Variants in BABAM2 observed in about 807,000 individuals in gnomAD.
The protein encoded by BABAM2 is BRISC and BRCA1 A complex member 2.
In BABAM2, 31 loss-of-function variants were observed where a neutral mutation model predicts 54.7. The ratio of observed to expected loss-of-function variants is 0.57; its 90% CI spans 0.43 to 0.77. The LOEUF is 0.77. BABAM2 is among the 30% of genes least tolerant of loss of function. BABAM2 has a pLI of 0.00. For synonymous variants in BABAM2, 167 were observed against 162.9 expected, an observed-to-expected ratio of 1.03 and a Z score of -0.19; for missense variants, 364 against 455.8, an observed-to-expected ratio of 0.80 and a Z score of 1.83.
At chr2:28,208,199 C>T (rs868785356) in intron 7 of BABAM2, among the ~76,000 whole-genome samples, 14 of 152,294 alleles carry the variant, frequency 9.2e-5, no homozygotes, top group Middle Eastern at 6.8e-3. Flanking sequence ...AGGTGCAGGA[C>T]AGCCTGGCTG....
intron 11 of BABAM2, among the ~76,000 whole-genome samples, chr2:28,333,100 C>G (rs1691107695): frequency 6.6e-6 from 1 of 152,018 alleles, no homozygotes; most frequent in African/African-American, 2.4e-5. Context: ...CAGCGGGTAC[C>G]CATGATAATA....
At chr2:28,087,616 T>A (rs1400148632) in intron 6 of BABAM2, among the ~76,000 whole-genome samples, 4 of 152,122 alleles carry the variant, frequency 2.6e-5, no homozygotes, top group Admixed American at 6.5e-5. Flanking sequence ...CAACTGCCAG[T>A]ACCTCTATTT....
intron 7 of BABAM2, among the ~76,000 whole-genome samples, chr2:28,181,435 G>A (rs1231867061): frequency 6.6e-6 from 1 of 152,160 alleles, no homozygotes; most frequent in African/African-American, 2.4e-5. Flanking sequence ...TCTCATGGAG[G>A]TAGAGAGTAG....
rs369905832 is a variant in BABAM2, at chr2:28,048,529, C to T, written c.570+2730C>T. ...TGTATTTATTAGGATTCTCATTTTG[C>T]AGGTGGTTGAAATCCAGCATGAGCT... is the stretch of plus-strand genomic sequence containing the variant. On this transcript the variant is annotated intron_variant, in intron 6 of 11. Coordinates refer to ENST00000379624, the MANE Select transcript of BABAM2 (RefSeq NM_199191.3). Among the ~76,000 whole-genome samples, 20 of 152,244 alleles carry T rather than the reference C, an allele frequency of 1.3e-4. No individual in the cohort carries two copies. In the East Asian group the frequency reaches 3.5e-3, roughly 26 times the overall value.
In BABAM2 at chr2:28,112,917, T is replaced by C. The variant is rs139899807; in HGVS notation, c.571-16354T>C. ...CCATTCTAACTGGCATGAGATGGTA[T>C]CTCATTGTGGCTTTGATTTGCATTT... On this transcript the variant is annotated intron_variant, in intron 6 of 11. Transcript: ENST00000379624. 9.3e-3 allele frequency among the ~76,000 whole-genome samples: 1,421 copies of C among 152,366 alleles called. 16 individuals carry two copies. Among genetic ancestry groups the C allele is most frequent in the Middle Eastern group, 0.082 (24 of 294 alleles).
At chr2:28,246,354 T>A (rs558805698) in intron 10 of BABAM2, among the ~76,000 whole-genome samples, 1 of 152,372 alleles carries the variant, frequency 6.6e-6, no homozygotes, top group Non-Finnish European at 1.5e-5. Flanking sequence ...TTTGCTGTAT[T>A]CACTTTACCT....
intron 6 of BABAM2, among the ~76,000 whole-genome samples, chr2:28,101,986 A>G (rs1247799144): frequency 2.0e-5 from 3 of 152,224 alleles, no homozygotes; most frequent in Non-Finnish European, 4.4e-5. Context: ...GTTGCTAGAA[A>G]AAAATCTTGG....
At chr2:28,241,264 T>C in intron 8 of BABAM2, 59 bp from the exon 9 acceptor site, 1 of 1,509,378 alleles carries the variant, frequency 6.6e-7, no homozygotes. Context: ...TGAAATTTCT[T>C]ATAATAAAGC....
chr2:27,895,335 A>G (rs1177606664), intron 2 of BABAM2, among the ~76,000 whole-genome samples: 1 of 152,202 alleles, frequency 6.6e-6, no homozygotes, highest in Non-Finnish European at 1.5e-5. Flanking sequence ...TCTCCCCAAC[A>G]GTGACAGTTC....
chr2:28,196,054 G>A (rs947783792), intron 7 of BABAM2, among the ~76,000 whole-genome samples: 2 of 152,272 alleles, frequency 1.3e-5, no homozygotes, highest in African/African-American at 2.4e-5. Flanking sequence ...TTGGCTGGGC[G>A]TGGTGGCTTA....
At chr2:28,315,225 T>C (rs1260082177) in intron 11 of BABAM2, among the ~76,000 whole-genome samples, 1 of 151,646 alleles carries the variant, frequency 6.6e-6, no homozygotes. Context: ...CACTGTCTAG[T>C]AGAGTTTTTT....
At chr2:27,951,863 T>G (rs1669753914) in intron 3 of BABAM2, among the ~76,000 whole-genome samples, 1 of 152,166 alleles carries the variant, frequency 6.6e-6, no homozygotes, top group Admixed American at 6.5e-5. Flanking sequence ...TATTTTAGTT[T>G]TTTAAAGAGA....
intron 10 of BABAM2, among the ~76,000 whole-genome samples, chr2:28,273,323 T>G (rs1447048909): frequency 1.3e-5 from 2 of 152,208 alleles, no homozygotes; most frequent in African/African-American, 4.8e-5. Flanking sequence ...TTCTGAGGAC[T>G]GAGCACCTCC....
chr2:28,025,373 C>A lies in BABAM2; in HGVS notation c.448C>A (p.Gln150Lys). Reference protein sequence around the residue: ...FEYQTLLEEPQYGENMEIYAG... With the variant: ...FEYQTLLEEPKYGENMEIYAG... ...ATACCAGACATTACTGGAGGAGCCACAGTATGGAGAGAACATGGAAATTTA... is the reference window on the plus strand; with the variant it reads ...ATACCAGACATTACTGGAGGAGCCAAAGTATGGAGAGAACATGGAAATTTA... The change falls in exon 5 of 12, where the codon CAG (glutamine) becomes AAG (lysine). Residue 150 changes from glutamine to lysine, a missense_variant. By Grantham distance (53) the Gln-to-Lys change is moderately conservative. Coordinates refer to ENST00000379624, the MANE Select transcript of BABAM2 (RefSeq NM_199191.3). The A allele has an allele frequency of 6.3e-7, 1 of 1,599,244 alleles. No individual in the cohort carries two copies. The highest frequency in any genetic ancestry group is 8.5e-7 in the Non-Finnish European group (1 of 1,175,914).
intron 3 of BABAM2, among the ~76,000 whole-genome samples, chr2:27,936,672 A>T (rs1668507459): frequency 6.6e-6 from 1 of 152,170 alleles, no homozygotes; most frequent in African/African-American, 2.4e-5. Context: ...ACTGGAAATC[A>T]TCATTCTCAG....
chr2:28,196,339 A>AT (rs977082640), intron 7 of BABAM2, among the ~76,000 whole-genome samples: 1 of 150,954 alleles, frequency 6.6e-6, no homozygotes, highest in Non-Finnish European at 1.5e-5. Context: ...AAAAAAATGA[A>AT]TTTTTTACAA....
intron 7 of BABAM2, among the ~76,000 whole-genome samples, chr2:28,172,497 G>A (rs1326038597): frequency 6.6e-6 from 1 of 152,086 alleles, no homozygotes; most frequent in Non-Finnish European, 1.5e-5. Context: ...ACAGTGACTG[G>A]GTCAGAAGTC....
chr2:28,230,102 TA>T (rs1401019317), intron 7 of BABAM2, among the ~76,000 whole-genome samples: 2 of 152,222 alleles, frequency 1.3e-5, no homozygotes, highest in Non-Finnish European at 2.9e-5. Context: ...CTTACAGCTA[TA>T]AAGTGTGTTT....
chr2:27,905,574 TAATA>T (rs997672229), intron 2 of BABAM2, among the ~76,000 whole-genome samples: 14 of 152,296 alleles, frequency 9.2e-5, no homozygotes, highest in South Asian at 8.3e-4. Flanking sequence ...TTGTTATATA[TAATA>T]AATAATATGT....
Sources: allele counts gnomAD v4.1 joint callset (sites outside exome capture counted in the v4.1 genomes callset), GRCh38; gene constraint gnomAD v4.1.1; transcripts MANE v1.5; gene names NCBI Gene and HGNC (gene_info 2026-07-23, HGNC 2026-07-21).